Variants in ITPR2 observed in about 807,000 individuals in gnomAD.
The protein encoded by ITPR2 is inositol 1,4,5-trisphosphate-gated calcium channel ITPR2.
A neutral mutation model predicts 317.1 loss-of-function variants in ITPR2; 207 were observed. The observed-to-expected ratio is 0.65, with a 90% CI of 0.58 to 0.73. The LOEUF (loss-of-function observed/expected upper bound fraction) is 0.73. ITPR2 is among the 30% of genes least tolerant of loss of function. The pLI, the probability that ITPR2 is intolerant of heterozygous loss-of-function variation, is 0.00. For missense variants in ITPR2, 2,613 were observed against 3,284.0 expected, an observed-to-expected ratio of 0.80 and a Z score of 4.99; for synonymous variants, 1,156 against 1,149.1, an observed-to-expected ratio of 1.01 and a Z score of -0.12.
At chr12:26,613,905 G>A (rs1204966442) in intron 26 of ITPR2, among the ~76,000 whole-genome samples, 1 of 152,148 alleles carries the variant, frequency 6.6e-6, no homozygotes, top group East Asian at 1.9e-4. Flanking sequence ...ACAGAATGTA[G>A]TGTCCCACAG....
intron 1 of ITPR2, among the ~76,000 whole-genome samples, chr12:26,809,798 G>A (rs1299364187): frequency 6.6e-6 from 1 of 151,798 alleles, no homozygotes; most frequent in Admixed American, 6.6e-5. Context: ...TCATCCTGTT[G>A]GGCATGCTAT....
intron 23 of ITPR2, among the ~76,000 whole-genome samples, chr12:26,626,658 G>C (rs1470319524): frequency 6.6e-6 from 1 of 152,264 alleles, no homozygotes; most frequent in Non-Finnish European, 1.5e-5. Context: ...GTCTTGCTTA[G>C]ACAAGCTCAA....
Position 26,722,575 on chromosome 12 carries a change from A to T in ITPR2, c.367-20T>A. 1.3e-6 allele frequency: 2 copies of T among 1,579,272 alleles called. No individual in the cohort carries two copies. The highest frequency in any genetic ancestry group is 1.7e-6 in the Non-Finnish European group (2 of 1,152,032). ...CAGTAGCTATAGGGAAAAGACATAGATTACCACCTTTATTCTTTGTTCTCC... is the reference window on the plus strand; with the variant it reads ...CAGTAGCTATAGGGAAAAGACATAGTTTACCACCTTTATTCTTTGTTCTCC... On this transcript the variant is annotated intron_variant, in intron 4 of 56. Coordinates refer to ENST00000381340, the MANE Select transcript of ITPR2 (RefSeq NM_002223.4).
chr12:26,359,972 A>T (rs535687899), intron 55 of ITPR2, among the ~76,000 whole-genome samples: 7 of 152,308 alleles, frequency 4.6e-5, no homozygotes, highest in African/African-American at 1.7e-4. Flanking sequence ...TTTAAAATTT[A>T]AAATGTAAAT....
intron 10 of ITPR2, among the ~76,000 whole-genome samples, chr12:26,690,841 A>T (rs1948226680): frequency 6.6e-6 from 1 of 152,262 alleles, no homozygotes; most frequent in Non-Finnish European, 1.5e-5. Context: ...TGAATTACTC[A>T]TACTGTTTAA....
chr12:26,687,099 T>C (rs540571070), intron 10 of ITPR2, among the ~76,000 whole-genome samples: 2 of 152,262 alleles, frequency 1.3e-5, no homozygotes, highest in South Asian at 4.1e-4. Context: ...ACATTCCCTT[T>C]CACCACCTGC....
intron 2 of ITPR2, among the ~76,000 whole-genome samples, chr12:26,768,320 C>T (rs1949762059): frequency 6.6e-6 from 1 of 150,552 alleles, no homozygotes. Context: ...TGATAGATGA[C>T]ACGTTGGTGG....
chr12:26,577,059 C>T (rs1591920859), intron 34 of ITPR2, among the ~76,000 whole-genome samples: 1 of 152,194 alleles, frequency 6.6e-6, no homozygotes, highest in Non-Finnish European at 1.5e-5. Flanking sequence ...AGCAAGATGG[C>T]CCTCACCAGA....
chr12:26,518,692 G>A (rs1943591845), intron 37 of ITPR2, among the ~76,000 whole-genome samples: 1 of 151,938 alleles, frequency 6.6e-6, no homozygotes, highest in East Asian at 1.9e-4. Flanking sequence ...ATGGTGTAAC[G>A]AGGTTGAAAA....
rs1010382497 is a variant in ITPR2 at position 26,616,207 on chromosome 12, G to A, written c.3462+4916C>T. ...AGCTGGAGTGCAGTGGTGCAATCTC[G>A]GCTCACTGCAAGCTCCGCCTCCCGG... On this transcript the variant is annotated intron_variant, in intron 26 of 56. Transcript: ENST00000381340. Among the ~76,000 whole-genome samples the A allele has an allele frequency of 1.3e-4, 20 of 151,780 alleles. No homozygotes were observed. In the South Asian group the frequency reaches 3.8e-3, roughly 28 times the overall value.
chr12:26,684,100 A>G (rs1163919841), intron 11 of ITPR2, among the ~76,000 whole-genome samples: 3 of 152,236 alleles, frequency 2.0e-5, no homozygotes, highest in Admixed American at 1.3e-4. Context: ...GCAGTTCTCC[A>G]ATCTTTGTTC....
At chr12:26,466,564 A>G (rs1395969979) in intron 45 of ITPR2, among the ~76,000 whole-genome samples, 1 of 152,212 alleles carries the variant, frequency 6.6e-6, no homozygotes, top group African/African-American at 2.4e-5. Context: ...AATATCTAGT[A>G]GCTGATTAGT....
chr12:26,578,578 C>T, intron 34 of ITPR2, 135 bp downstream of exon 34: 3 of 664,064 alleles, frequency 4.5e-6, no homozygotes, highest in Non-Finnish European at 7.3e-6. Context: ...TTGCTGATGG[C>T]TGCTCTTCAG....
intron 2 of ITPR2, among the ~76,000 whole-genome samples, chr12:26,774,173 A>C (rs1292858342): frequency 1.3e-5 from 2 of 152,048 alleles, no homozygotes; most frequent in African/African-American, 4.8e-5. Flanking sequence ...CCATACTGAC[A>C]CCTGTGAACT....
intron 26 of ITPR2, among the ~76,000 whole-genome samples, chr12:26,607,110 G>A (rs1946149286): frequency 6.6e-6 from 1 of 152,106 alleles, no homozygotes; most frequent in South Asian, 2.1e-4. Flanking sequence ...CTATCCCACT[G>A]AAGTTTAAGG....
chr12:26,779,150 T>G (rs2122270), intron 2 of ITPR2, among the ~76,000 whole-genome samples: 24,437 of 152,180 alleles, frequency 0.16, 2,715 homozygotes, highest in Non-Finnish European at 0.24. Context: ...GGGGTGTCAG[T>G]GACAGATAGG....
intron 45 of ITPR2, among the ~76,000 whole-genome samples, chr12:26,472,675 C>T (rs958952348): frequency 2.0e-5 from 3 of 152,162 alleles, no homozygotes; most frequent in African/African-American, 7.2e-5. Flanking sequence ...TCTTCAAGCG[C>T]TGTAATAAAC....
chr12:26,652,754 C>T (rs1947285308), intron 21 of ITPR2, among the ~76,000 whole-genome samples: 1 of 152,214 alleles, frequency 6.6e-6, no homozygotes, highest in Non-Finnish European at 1.5e-5. Flanking sequence ...CCAAAACTCC[C>T]TACAGGATGA....
chr12:26,516,434 C>T (rs1247268626), intron 37 of ITPR2, among the ~76,000 whole-genome samples: 6 of 151,776 alleles, frequency 4.0e-5, no homozygotes, highest in Non-Finnish European at 7.4e-5. Flanking sequence ...TGTGCTCCAG[C>T]TTTGTGATAG....
Sources: gnomAD v4.1 joint callset for allele counts (sites outside exome capture counted in the v4.1 genomes callset) on GRCh38, gnomAD v4.1.1 for gene constraint, MANE v1.5 for transcripts, NCBI Gene and HGNC (gene_info 2026-07-23, HGNC 2026-07-21) for gene names.